Variants in SYT3 observed in about 807,000 individuals in gnomAD.
SYT3 encodes the protein synaptotagmin-3.
A neutral mutation model predicts 50.6 loss-of-function variants in SYT3; 25 were observed. The observed-to-expected ratio is 0.49, with a 90% CI of 0.36 to 0.69. The LOEUF (loss-of-function observed/expected upper bound fraction) is 0.69, where lower values mean the gene tolerates loss of function less well. Ranked by LOEUF, SYT3 falls within the 30% of genes least tolerant of loss-of-function variation. The pLI is 0.00. For missense variants in SYT3, 589 were observed against 793.6 expected (o/e 0.74, Z 3.10); for synonymous variants, 323 against 353.9 (o/e 0.91, Z 0.98).
the SYT3 span, among the ~76,000 whole-genome samples, chr19:50,652,681 A>C: frequency 2.2e-4 from 34 of 152,310 alleles, 1 homozygote; most frequent in East Asian, 5.4e-3. Flanking sequence ...TCTTATGGTC[A>C]CTGGAAGGAC....
chr19:50,623,275 G>A (rs1396908311), intron 9 of SYT3, among the ~76,000 whole-genome samples: 2 of 152,060 alleles, frequency 1.3e-5, no homozygotes, highest in Non-Finnish European at 2.9e-5. Flanking sequence ...GACAGGAGGA[G>A]GGAGTAGCCT....
At chr19:50,652,655 G>A in the SYT3 span, among the ~76,000 whole-genome samples, 3 of 152,298 alleles carry the variant, frequency 2.0e-5, no homozygotes, top group South Asian at 6.2e-4. Context: ...CACTAGCACG[G>A]TCTGATCACG....
At chr19:50,645,645 G>T in the SYT3 span, among the ~76,000 whole-genome samples, 1 of 152,188 alleles carries the variant, frequency 6.6e-6, no homozygotes, top group Non-Finnish European at 1.5e-5. Flanking sequence ...TTGGGAGGCT[G>T]AGGCAGGCAG....
chr19:50,642,561 C>T (rs1984698639), upstream of SYT3, among the ~76,000 whole-genome samples: 1 of 152,238 alleles, frequency 6.6e-6, no homozygotes, highest in Admixed American at 6.5e-5. Context: ...TGGCTGGGTG[C>T]AGTGGCACAT....
Position 50,625,783 on chromosome 19 carries a change from CAGAT to C in SYT3, c.1402+110_1402+113del. 2.3e-4 allele frequency: 136 copies of C among 598,028 alleles called. 60 individuals carry two copies. The highest frequency in any genetic ancestry group is 2.5e-4 in the Non-Finnish European group (89 of 354,046). 37.0% of individuals were successfully genotyped at this position (598,028 alleles called of 1,614,324 possible). A position where few individuals can be genotyped will look rare whatever the true frequency, so the allele number is the denominator to read the frequency against. On this transcript the variant is annotated intron_variant, in intron 7 of 10. Transcript: ENST00000600079. This position sits in a 1 kb window ranked among gnomAD's most constrained non-coding sequence, Gnocchi z 7.5. ...CCCTCCTCCCTCAGACCCAGGAGTC[CAGAT>C]CCCCAGCTCCTCCTCCCTCAGACCC... is the stretch of plus-strand genomic sequence containing the variant.
intron 2 of SYT3, 105 bp downstream of exon 2, chr19:50,638,920 G>T (rs1984580122): frequency 6.6e-6 from 1 of 152,652 alleles, no homozygotes; most frequent in African/African-American, 2.4e-5. Flanking sequence ...GGTTGAAGGG[G>T]ATGCAGGGGA....
In SYT3 at chr19:50,637,660, GA is replaced by G; in HGVS notation, c.-15-235del. ...TTAGGAGTAGACAGACAAGAGGGCA[GA>G]AATTAGGGATGGAGATAGTAGCAGG... On this transcript the variant is annotated intron_variant, in intron 2 of 10. Coordinates refer to ENST00000600079, the MANE Select transcript of SYT3 (RefSeq NM_001160329.2). This position sits in a 1 kb window ranked among gnomAD's most constrained non-coding sequence, Gnocchi z 4.9. 2.3e-6 allele frequency: 1 copy of G among 442,270 alleles called. No homozygotes were observed. Among genetic ancestry groups the G allele is most frequent in the Non-Finnish European group, 4.1e-6 (1 of 243,600 alleles). 27.4% of individuals were successfully genotyped at this position (442,270 alleles called of 1,614,324 possible). A position where few individuals can be genotyped will look rare whatever the true frequency, so the allele number is the denominator to read the frequency against.
At position 50,637,155 on chromosome 19, in the gene SYT3, C is replaced by G; in HGVS notation, c.148+109G>C. Reference sequence around the variant, plus strand: ...AGCAGCAGGCAGAATGGGGGCAAGACGCTACGAGGGACTGACCCCACAAGC... The same window carrying G: ...AGCAGCAGGCAGAATGGGGGCAAGAGGCTACGAGGGACTGACCCCACAAGC... On this transcript the variant is annotated intron_variant, in intron 3 of 10. Transcript: ENST00000600079. This position sits in a 1 kb window ranked among gnomAD's most constrained non-coding sequence, Gnocchi z 4.9. The G allele has an allele frequency of 7.4e-7, 1 of 1,349,694 alleles. No individual in the cohort carries two copies. Among genetic ancestry groups the G allele is most frequent in the Non-Finnish European group, 1.0e-6 (1 of 975,220 alleles). The allele number at this position is 1,349,694 out of a possible 1,614,324, so 83.6% of individuals were successfully genotyped here. A position where few individuals can be genotyped will look rare whatever the true frequency, so the allele number is the denominator to read the frequency against.
the SYT3 span, chr19:50,649,580 TCA>T: frequency 6.7e-7 from 1 of 1,487,988 alleles, no homozygotes; most frequent in Non-Finnish European, 9.1e-7. Context: ...TAGCCCGGGC[TCA>T]CAGTGTGGCC....
At chr19:50,651,019 G>A in the SYT3 span, among the ~76,000 whole-genome samples, 9 of 152,198 alleles carry the variant, frequency 5.9e-5, no homozygotes, top group South Asian at 2.1e-4. Context: ...TCTTTGCAGC[G>A]TTGTGGAACC....
the SYT3 span, among the ~76,000 whole-genome samples, chr19:50,649,996 C>T: frequency 6.6e-6 from 1 of 152,142 alleles, no homozygotes; most frequent in Non-Finnish European, 1.5e-5. Context: ...CCATTCCTTC[C>T]TCTCTGTCCC....
At chr19:50,656,394 T>A in the SYT3 span, 10 of 1,504,742 alleles carry the variant, frequency 6.6e-6, no homozygotes, top group Admixed American at 2.0e-5. Flanking sequence ...GGTGGGGTGA[T>A]GGGAAGGGCA....
At chr19:50,635,067 T>C (rs1468494292) in intron 3 of SYT3, among the ~76,000 whole-genome samples, 1 of 152,090 alleles carries the variant, frequency 6.6e-6, no homozygotes, top group African/African-American at 2.4e-5. Context: ...CCTGCCACCA[T>C]GCCCAGCTAA....
rs929145527 is a variant in SYT3 at position 50,637,290 on chromosome 19, C to T, written c.122G>A (p.Arg41Gln). The T allele has an allele frequency of 6.2e-6, 10 of 1,613,346 alleles. No homozygotes were observed. The highest frequency in any genetic ancestry group is 2.2e-5 in the East Asian group (1 of 44,870). The change falls in exon 3 of 11, where the codon CGA (arginine) becomes CAA (glutamine). Residue 41 changes from arginine to glutamine, a missense_variant. This residue lies in a region of SYT3 where 316 missense variants were observed against 354.3 expected (regional missense o/e 0.89). Transcript: ENST00000600079. This position sits in a 1 kb window ranked among gnomAD's most constrained non-coding sequence, Gnocchi z 4.9. ...DRCQEFNDRI[R>Q]GYPRGPDADI... The stretch of plus-strand genomic sequence containing the variant: ...TGCATCTGGACCCCGGGGATAGCCT[C>T]GGATTCGGTCATTGAACTCCTGGCA...
At chr19:50,623,613 CAAAAAAAAAAAAAAAAAAA>C (rs529397903) in intron 9 of SYT3, among the ~76,000 whole-genome samples, 19 of 91,622 alleles carry the variant, frequency 2.1e-4, no homozygotes, top group Non-Finnish European at 3.5e-4. Context: ...CCTGTCTCTA[CAAAAAAAAAAAAAAAAAAA>C]AAAAAAAAAA....
In SYT3 at chr19:50,629,438, T is replaced by C. The variant is rs980764899; in HGVS notation, c.1137A>G (p.Gln379=). The change falls in exon 6 of 11, where the codon CAA becomes CAG. Residue 379 remains glutamine, a synonymous_variant. Coordinates refer to ENST00000600079, the MANE Select transcript of SYT3 (RefSeq NM_001160329.2). ...QFSVPLAELA[Q]RKLHFSVYDF... Reference sequence around the variant, plus strand: ...CATAGACGCTGAAGTGCAGTTTGCGTTGGGCCAGCTCGGCCAGGGGCACCG... The same window carrying C: ...CATAGACGCTGAAGTGCAGTTTGCGCTGGGCCAGCTCGGCCAGGGGCACCG... 3.1e-6 allele frequency: 5 copies of C among 1,613,898 alleles called. No homozygotes were observed. The African/African-American group carries it at 6.7e-5, about 22-fold the overall frequency.
chr19:50,633,125 G>T (rs2123015279), intron 3 of SYT3, among the ~76,000 whole-genome samples: 1 of 152,222 alleles, frequency 6.6e-6, no homozygotes, highest in Non-Finnish European at 1.5e-5. Flanking sequence ...GGAACTACAG[G>T]TATGTGCTAT....
chr19:50,652,470 G>C, the SYT3 span, among the ~76,000 whole-genome samples: 1 of 152,222 alleles, frequency 6.6e-6, no homozygotes, highest in Non-Finnish European at 1.5e-5. Context: ...AATGGCATCA[G>C]TGGACCCTCA....
chr19:50,628,355 C>T (rs1984150689), intron 6 of SYT3, among the ~76,000 whole-genome samples: 1 of 152,036 alleles, frequency 6.6e-6, no homozygotes, highest in South Asian at 2.1e-4. Context: ...AATGAGATAC[C>T]AGAGGGCAGG....
Sources: allele counts gnomAD v4.1 joint callset (sites outside exome capture counted in the v4.1 genomes callset), GRCh38; gene constraint gnomAD v4.1.1; regional missense constraint gnomAD v4.1.1; non-coding constraint Gnocchi (gnomAD v3.1); transcripts MANE v1.5; gene names NCBI Gene and HGNC (gene_info 2026-07-23, HGNC 2026-07-21).